The following SLC25A21 variants were observed in gnomAD, a reference collection of about 807,000 sequenced individuals.
The protein encoded by SLC25A21 is mitochondrial 2-oxodicarboxylate carrier.
A neutral mutation model predicts 43.8 loss-of-function variants in SLC25A21; 47 were observed. The ratio of observed to expected loss-of-function variants is 1.07; its 90% CI spans 0.85 to 1.37. SLC25A21 has a LOEUF of 1.37. SLC25A21 is among the 40% of genes most tolerant of loss of function. The pLI is 0.00. For synonymous variants in SLC25A21, 131 were observed against 121.3 expected, an observed-to-expected ratio of 1.08 and a Z score of -0.52; for missense variants, 352 against 350.2, an observed-to-expected ratio of 1.00 and a Z score of -0.04.
intron 1 of SLC25A21, among the ~76,000 whole-genome samples, chr14:36,988,501 C>A (rs1594739901): frequency 6.6e-6 from 1 of 152,024 alleles, no homozygotes; most frequent in Non-Finnish European, 1.5e-5. Context: ...AATATAGAAG[C>A]CAAAATGGGA....
intron 3 of SLC25A21, among the ~76,000 whole-genome samples, chr14:36,773,582 C>G (rs1886706706): frequency 6.6e-6 from 1 of 152,128 alleles, no homozygotes; most frequent in Non-Finnish European, 1.5e-5. Context: ...CTTAAAAGAG[C>G]CCAAAATCTT....
At chr14:36,787,634 A>G (rs1371554455) in intron 3 of SLC25A21, among the ~76,000 whole-genome samples, 1 of 152,232 alleles carries the variant, frequency 6.6e-6, no homozygotes, top group Non-Finnish European at 1.5e-5. Flanking sequence ...ATAAATGTTA[A>G]TAAAATGGAT....
chr14:36,727,425 C>T (rs564472727), intron 5 of SLC25A21, among the ~76,000 whole-genome samples: 68 of 152,336 alleles, frequency 4.5e-4, no homozygotes, highest in Non-Finnish European at 8.1e-4. Flanking sequence ...CAATGGCTCA[C>T]GCCTGTAATC....
intron 1 of SLC25A21, among the ~76,000 whole-genome samples, chr14:37,018,532 G>A (rs561978173): frequency 3.4e-4 from 51 of 151,996 alleles, no homozygotes; most frequent in Admixed American, 1.0e-3. Flanking sequence ...CTCCTCTTTC[G>A]TATTCCCTAT....
At chr14:37,001,473 C>T (rs978024856) in intron 1 of SLC25A21, among the ~76,000 whole-genome samples, 4 of 152,198 alleles carry the variant, frequency 2.6e-5, no homozygotes, top group Admixed American at 1.3e-4. Context: ...TTCTGAACCA[C>T]TGAGCTCTTC....
intron 3 of SLC25A21, among the ~76,000 whole-genome samples, chr14:36,793,990 T>C (rs151076687): frequency 0.011 from 1,610 of 151,704 alleles, 24 homozygotes; most frequent in Middle Eastern, 0.017. Context: ...ATTTATTTTA[T>C]TGGGCTATGA....
chr14:36,973,798 C>G (rs576265687), intron 1 of SLC25A21, among the ~76,000 whole-genome samples: 2 of 152,142 alleles, frequency 1.3e-5, no homozygotes, highest in South Asian at 2.1e-4. Context: ...TGAAAGCTCA[C>G]AGGAAAAGGG....
rs113836980 is a variant in SLC25A21, at chr14:36,927,395, C to T, written c.71-52391G>A. Among the ~76,000 whole-genome samples, 1,027 of 152,270 alleles carry T rather than the reference C, an allele frequency of 6.7e-3. 8 individuals carry two copies. Among genetic ancestry groups the T allele is most frequent in the South Asian group, 0.018 (86 of 4,826 alleles). On this transcript the variant is annotated intron_variant, in intron 1 of 9. Transcript: ENST00000331299. ...TGTTTCAACAGAGTGATAACCTGAACCTATTCTTTATCACTTATTCTCACT... is the reference window on the plus strand; with the variant it reads ...TGTTTCAACAGAGTGATAACCTGAATCTATTCTTTATCACTTATTCTCACT...
intron 1 of SLC25A21, among the ~76,000 whole-genome samples, chr14:36,913,521 C>T (rs1225175165): frequency 6.6e-6 from 1 of 152,166 alleles, no homozygotes. Context: ...AGTGATCTTC[C>T]TGCCTCAGCC....
At chr14:36,709,399 T>C (rs1249814933) in intron 7 of SLC25A21, among the ~76,000 whole-genome samples, 1 of 152,086 alleles carries the variant, frequency 6.6e-6, no homozygotes, top group African/African-American at 2.4e-5. Flanking sequence ...CAGGTTCCTC[T>C]AAAAAAAATC....
intron 1 of SLC25A21, among the ~76,000 whole-genome samples, chr14:37,108,638 C>T (rs763562662): frequency 6.6e-6 from 1 of 151,680 alleles, no homozygotes; most frequent in Non-Finnish European, 1.5e-5. Context: ...CTTGCTGCTA[C>T]AGTAATGAGT....
intron 1 of SLC25A21, among the ~76,000 whole-genome samples, chr14:37,080,355 G>A (rs1477019099): frequency 6.6e-6 from 1 of 152,162 alleles, no homozygotes; most frequent in Admixed American, 6.5e-5. Flanking sequence ...AATTTAGGGA[G>A]GCTGAAGCTG....
intron 1 of SLC25A21, among the ~76,000 whole-genome samples, chr14:36,913,961 T>C (rs991630881): frequency 1.3e-5 from 2 of 152,222 alleles, no homozygotes; most frequent in Non-Finnish European, 2.9e-5. Flanking sequence ...TTACATAGCA[T>C]AATTGCTAAG....
chr14:36,689,935 G>C (rs1362493035), intron 7 of SLC25A21, among the ~76,000 whole-genome samples: 3 of 152,186 alleles, frequency 2.0e-5, no homozygotes. Flanking sequence ...AGGGGCTCTG[G>C]CTGTGTTGGG....
chr14:36,732,663 C>T (rs1884876999), intron 4 of SLC25A21, among the ~76,000 whole-genome samples: 3 of 152,104 alleles, frequency 2.0e-5, no homozygotes, highest in South Asian at 2.1e-4. Flanking sequence ...CCCCGCCCCC[C>T]TCAGTCTCTG....
chr14:37,086,400 T>C (rs763339755), intron 1 of SLC25A21, among the ~76,000 whole-genome samples: 1 of 152,176 alleles, frequency 6.6e-6, no homozygotes, highest in East Asian at 1.9e-4. Context: ...AGGATATTAC[T>C]ATGTGTATAG....
intron 6 of SLC25A21, among the ~76,000 whole-genome samples, chr14:36,716,072 C>T (rs940750002): frequency 1.3e-5 from 2 of 151,952 alleles, no homozygotes; most frequent in African/African-American, 4.8e-5. Context: ...GCCTGGGAGA[C>T]AGAGTGAGAC....
At chr14:36,863,125 A>G (rs1890119946) in intron 2 of SLC25A21, among the ~76,000 whole-genome samples, 1 of 152,140 alleles carries the variant, frequency 6.6e-6, no homozygotes, top group Admixed American at 6.5e-5. Context: ...CCATTTAAGA[A>G]TTATTTACCT....
At chr14:36,989,175 G>A (rs1259874352) in intron 1 of SLC25A21, among the ~76,000 whole-genome samples, 1 of 152,156 alleles carries the variant, frequency 6.6e-6, no homozygotes, top group African/African-American at 2.4e-5. Flanking sequence ...CCCAGGAAGT[G>A]AGCACTCCTG....
Sources: gnomAD v4.1 joint callset for allele counts (sites outside exome capture counted in the v4.1 genomes callset) on GRCh38, gnomAD v4.1.1 for gene constraint, MANE v1.5 for transcripts, NCBI Gene and HGNC (gene_info 2026-07-23, HGNC 2026-07-21) for gene names.